The following FANCA variants were observed in gnomAD, a reference collection of about 807,000 sequenced individuals.
The protein encoded by FANCA is FA complementation group A, also known as Fanconi anemia group A protein.
FANCA carries 236 observed loss-of-function variants against 194.3 expected under a neutral mutation model. The ratio of observed to expected loss-of-function variants is 1.21; its 90% CI spans 1.09 to 1.35. FANCA has a LOEUF of 1.35. FANCA is among the 40% of genes most tolerant of loss of function. The pLI is 0.00. For missense variants in FANCA, 2,628 were observed against 1,813.9 expected (o/e 1.45, Z -8.15); for synonymous variants, 1,014 against 715.8 (o/e 1.42, Z -6.65).
At chr16:89,767,050 A>G (rs972980569) in intron 27 of FANCA, 91 bp downstream of exon 27, 5 of 1,040,208 alleles carry the variant, frequency 4.8e-6, no homozygotes, top group South Asian at 1.3e-5. Flanking sequence ...GATGGGCACA[A>G]AGCGGCAGCA....
chr16:89,803,294 G>C lies in FANCA; in HGVS notation c.757C>G (p.Leu253Val). The change falls in exon 8 of 43, where the codon CTG (leucine) becomes GTG (valine). Residue 253 changes from leucine to valine, a missense_variant. Leu to Val is a conservative substitution (Grantham distance 32). Transcript: ENST00000389301. ...VLRGFQKNSDLRRTVEPEKMP... is the reference protein window; with the variant it reads ...VLRGFQKNSDVRRTVEPEKMP... ...TTTTCAGGCTCCACAGTTCTTCTCA[G>C]ATCTGAGTTTTTCTGAAATCCCCTC... The C allele has an allele frequency of 6.2e-7, 1 of 1,614,114 alleles. No individual in the cohort carries two copies. The highest frequency in any genetic ancestry group is 8.5e-7 in the Non-Finnish European group (1 of 1,180,002).
At chr16:89,804,723 G>A (rs1260096676) in intron 7 of FANCA, among the ~76,000 whole-genome samples, 2 of 152,136 alleles carry the variant, frequency 1.3e-5, no homozygotes, top group Non-Finnish European at 2.9e-5. Context: ...ACAGTCCCAA[G>A]TTTTTCTCAT....
chr16:89,798,572 C>A, intron 10 of FANCA: 1 of 1,142,550 alleles, frequency 8.8e-7, no homozygotes, highest in Non-Finnish European at 1.1e-6. Context: ...GGAAGCAAAC[C>A]CCAGAGCCCC....
intron 3 of FANCA, among the ~76,000 whole-genome samples, chr16:89,813,993 T>C (rs561739948): frequency 2.6e-5 from 4 of 152,322 alleles, no homozygotes; most frequent in South Asian, 2.1e-4. Context: ...AGTGAAAATC[T>C]GTATCATTTG....
intron 24 of FANCA, 49 bp downstream of exon 24, chr16:89,770,515 G>A (rs1567618772): frequency 1.3e-6 from 2 of 1,533,542 alleles, no homozygotes; most frequent in East Asian, 2.4e-5. Context: ...CCAGCAAGAG[G>A]TGGCACCCAG....
intron 31 of FANCA, among the ~76,000 whole-genome samples, chr16:89,751,896 G>C (rs1598080681): frequency 6.6e-6 from 1 of 151,526 alleles, no homozygotes; most frequent in Non-Finnish European, 1.5e-5. Context: ...TCAGCCTCCC[G>C]AGTAGGTGGG....
At chr16:89,755,235 GTCTCTCAC>G (rs763517214) in intron 30 of FANCA, among the ~76,000 whole-genome samples, 3 of 150,264 alleles carry the variant, frequency 2.0e-5, no homozygotes, top group African/African-American at 4.9e-5. Flanking sequence ...TTTTGAGACA[GTCTCTCAC>G]TCTGTCGCCC....
At chr16:89,741,479 G>C (rs1027719001) in intron 37 of FANCA, among the ~76,000 whole-genome samples, 1 of 152,206 alleles carries the variant, frequency 6.6e-6, no homozygotes, top group Admixed American at 6.5e-5. Flanking sequence ...GCGGATCTCG[G>C]GCTGGGCACA....
At chr16:89,815,502 T>G (rs2041074850) in intron 2 of FANCA, among the ~76,000 whole-genome samples, 1 of 151,394 alleles carries the variant, frequency 6.6e-6, no homozygotes, top group African/African-American at 2.4e-5. Flanking sequence ...ATTAAAGGCG[T>G]GCGCCACCAC....
At chr16:89,762,360 G>T (rs1337440360) in intron 28 of FANCA, among the ~76,000 whole-genome samples, 1 of 152,044 alleles carries the variant, frequency 6.6e-6, no homozygotes, top group African/African-American at 2.4e-5. Flanking sequence ...TTGGGAGGCT[G>T]AGGCCAGCAG....
chr16:89,791,875 C>G lies in FANCA; in HGVS notation c.1225+52G>C, dbSNP rs575429785. 30 of 1,609,628 alleles carry G rather than the reference C, an allele frequency of 1.9e-5. No homozygotes were observed. In the South Asian group the frequency reaches 2.9e-4, roughly 15 times the overall value. ...ACAGTCAGCTGGGACTCTGCTGACA[C>G]CCCCCTACACACACTCTTGACCAGC... On this transcript the variant is annotated intron_variant, in intron 13 of 42. Transcript: ENST00000389301.
chr16:89,797,055 G>T (rs1390869453), intron 10 of FANCA, among the ~76,000 whole-genome samples: 1 of 152,210 alleles, frequency 6.6e-6, no homozygotes, highest in Non-Finnish European at 1.5e-5. Context: ...AGCTACTCGG[G>T]AGACTGAGGC....
chr16:89,765,357 TG>T (rs1337609636), intron 27 of FANCA, among the ~76,000 whole-genome samples: 7 of 152,018 alleles, frequency 4.6e-5, no homozygotes, highest in African/African-American at 1.7e-4. Flanking sequence ...GTCCAGCCCC[TG>T]GGAGGGCACA....
chr16:89,786,219 T>C (rs2039893354), intron 14 of FANCA, among the ~76,000 whole-genome samples: 1 of 151,804 alleles, frequency 6.6e-6, no homozygotes, highest in African/African-American at 2.4e-5. Flanking sequence ...AGCCTCACTC[T>C]GTCACCCAGG....
intron 29 of FANCA, among the ~76,000 whole-genome samples, chr16:89,759,406 G>T (rs1273219204): frequency 1.3e-5 from 2 of 150,726 alleles, no homozygotes; most frequent in African/African-American, 4.9e-5. Flanking sequence ...ACCAGAAGGG[G>T]ATGGTGAAGC....
chr16:89,803,595 A>T (rs1358386872), intron 7 of FANCA, among the ~76,000 whole-genome samples: 3 of 151,812 alleles, frequency 2.0e-5, no homozygotes, highest in Non-Finnish European at 4.4e-5. Flanking sequence ...TCTATTTGAA[A>T]GGGAACAAGT....
Position 89,808,350 on chromosome 16 carries a change from T to G in FANCA, c.540A>C (p.Glu180Asp), listed in dbSNP as rs2040743437. ...LWKIQSSLLL[E>D]AVWHLHVQGI... ...CTTGTACGTGAAGATGCCACACCGC[T>G]TCAAGCAACAAAGAACTCTGAAAAA... The change falls in exon 6 of 43, where the codon GAA (glutamate) becomes GAC (aspartate). Residue 180 changes from glutamate (E) to aspartate (D), a missense_variant. Physicochemically the swap from Glu to Asp is conservative, Grantham distance 45. Coordinates refer to ENST00000389301, the MANE Select transcript of FANCA (RefSeq NM_000135.4). 3.1e-6 allele frequency: 5 copies of G among 1,613,956 alleles called. No individual in the cohort carries two copies. In the African/African-American group the frequency reaches 6.7e-5, roughly 22 times the overall value.
intron 30 of FANCA, among the ~76,000 whole-genome samples, chr16:89,757,838 T>C (rs573334498): frequency 1.3e-5 from 2 of 152,354 alleles, no homozygotes; most frequent in East Asian, 3.9e-4. Flanking sequence ...CATGCTCACC[T>C]TGAATACCAG....
chr16:89,758,295 A>G (rs1178510633), intron 30 of FANCA, among the ~76,000 whole-genome samples: 1 of 152,214 alleles, frequency 6.6e-6, no homozygotes, highest in African/African-American at 2.4e-5. Context: ...ACTGAGAGAA[A>G]AATGCATTCT....
Sources: gnomAD v4.1 joint callset for allele counts (sites outside exome capture counted in the v4.1 genomes callset) on GRCh38, gnomAD v4.1.1 for gene constraint, MANE v1.5 for transcripts, NCBI Gene and HGNC (gene_info 2026-07-23, HGNC 2026-07-21) for gene names.